GALNT17: variants seen among roughly 807,000 people sequenced by gnomAD.
GALNT17 encodes UDP-GalNAc:polypeptide N-acetylgalactosaminyltransferase-like 3.
A neutral mutation model predicts 63.7 loss-of-function variants in GALNT17; 29 were observed. The observed-to-expected ratio is 0.46, with a 90% CI of 0.34 to 0.62. The LOEUF is 0.62. GALNT17 is among the 20% of genes least tolerant of loss of function. The pLI is 0.01. For synonymous variants in GALNT17, 305 were observed against 318.3 expected, an observed-to-expected ratio of 0.96 and a Z score of 0.45; for missense variants, 603 against 799.6, an observed-to-expected ratio of 0.75 and a Z score of 2.97.
intron 6 of GALNT17, 88 bp downstream of exon 6, chr7:71,571,490 T>C (rs1789442289): frequency 1.0e-6 from 1 of 989,600 alleles, no homozygotes; most frequent in Non-Finnish European, 1.6e-6. Flanking sequence ...TTAAAGCTCC[T>C]TACAGCTGAT....
intron 2 of GALNT17, among the ~76,000 whole-genome samples, chr7:71,372,596 C>T (rs1286735750): frequency 1.3e-5 from 2 of 152,208 alleles, no homozygotes; most frequent in Admixed American, 1.3e-4. Flanking sequence ...GGACTACAGG[C>T]ATGTGCCACC....
intron 1 of GALNT17, among the ~76,000 whole-genome samples, chr7:71,329,598 AT>A (rs1791767014): frequency 6.6e-6 from 1 of 152,036 alleles, no homozygotes; most frequent in Admixed American, 6.6e-5. Flanking sequence ...GAAACTTAGA[AT>A]CATGGCAGAA....
intron 1 of GALNT17, among the ~76,000 whole-genome samples, chr7:71,272,364 T>C (rs1273846456): frequency 2.0e-5 from 3 of 152,194 alleles, no homozygotes; most frequent in East Asian, 1.9e-4. Flanking sequence ...CCAGGTATCA[T>C]GTGGTGAGCG....
chr7:71,170,407 C>G (rs1788525958), intron 1 of GALNT17, among the ~76,000 whole-genome samples: 1 of 152,088 alleles, frequency 6.6e-6, no homozygotes, highest in Non-Finnish European at 1.5e-5. Context: ...GCCATCTCGG[C>G]TCACCGCAAC....
rs1787707702 is a variant in GALNT17 at position 71,132,821 on chromosome 7, G to C, written c.19G>C (p.Val7Leu). The C allele has an allele frequency of 1.9e-6, 3 of 1,609,138 alleles. No homozygotes were observed. Among genetic ancestry groups the C allele is most frequent in the Non-Finnish European group, 2.5e-6 (3 of 1,177,632 alleles). MASLRR[V>L]KVLLVLNLIA... The stretch of plus-strand genomic sequence containing the variant: ...CTGTTTGATGGCTTCACTGAGAAGA[G>C]TCAAAGTGCTGTTGGTGTTGAACTT... Residue 7 changes from valine to leucine, a missense_variant, in exon 1 of 11, where the codon GTC (valine) becomes CTC (leucine). Coordinates refer to ENST00000333538, the MANE Select transcript of GALNT17 (RefSeq NM_022479.3).
chr7:71,369,849 A>G (rs1259562980), intron 2 of GALNT17, among the ~76,000 whole-genome samples: 3 of 148,416 alleles, frequency 2.0e-5, no homozygotes, highest in African/African-American at 5.0e-5. Context: ...AACAAAAACT[A>G]TGTATTATTG....
At chr7:71,283,478 G>T (rs1055013394) in intron 1 of GALNT17, among the ~76,000 whole-genome samples, 1 of 152,060 alleles carries the variant, frequency 6.6e-6, no homozygotes, top group African/African-American at 2.4e-5. Flanking sequence ...TAAAAAAATA[G>T]TAGACTCTCC....
At position 71,712,684 on chromosome 7, in the gene GALNT17, A is replaced by C. The variant is rs1278271619; in HGVS notation, c.*538A>C. Reference sequence around the variant, plus strand: ...TGCCTGTTCACGCCCCAAGGCAGCTACTGCCCCTAACCCTTCCCACCAGGG... The same window carrying C: ...TGCCTGTTCACGCCCCAAGGCAGCTCCTGCCCCTAACCCTTCCCACCAGGG... On this transcript the variant is annotated 3_prime_UTR_variant, in exon 11 of 11. Transcript: ENST00000333538. 1 of 154,060 alleles carries C rather than the reference A, an allele frequency of 6.5e-6. No individual in the cohort carries two copies. Among genetic ancestry groups the C allele is most frequent in the African/African-American group, 2.4e-5 (1 of 41,470 alleles). 9.5% of individuals were successfully genotyped at this position (154,060 alleles called of 1,614,324 possible). A position where few individuals can be genotyped will look rare whatever the true frequency, so the allele number is the denominator to read the frequency against.
chr7:71,660,562 G>C (rs1191464676), intron 6 of GALNT17, among the ~76,000 whole-genome samples: 1 of 152,210 alleles, frequency 6.6e-6, no homozygotes, highest in Admixed American at 6.5e-5. Context: ...CTTGGGACCA[G>C]CTGTACTTGG....
intron 1 of GALNT17, among the ~76,000 whole-genome samples, chr7:71,255,364 A>G (rs539458477): frequency 6.6e-6 from 1 of 152,314 alleles, no homozygotes; most frequent in South Asian, 2.1e-4. Flanking sequence ...ACCATGTGTG[A>G]GATGTACCTT....
At chr7:71,301,291 C>CT (rs1421741737) in intron 1 of GALNT17, among the ~76,000 whole-genome samples, 4 of 148,066 alleles carry the variant, frequency 2.7e-5, no homozygotes, top group African/African-American at 7.4e-5. Flanking sequence ...TGCCTGATTA[C>CT]TTTTTTTTTA....
intron 4 of GALNT17, among the ~76,000 whole-genome samples, chr7:71,417,297 A>C (rs1044738330): frequency 2.0e-5 from 3 of 152,194 alleles, no homozygotes; most frequent in Non-Finnish European, 4.4e-5. Context: ...ATGTTTATGC[A>C]TGTGACCACG....
chr7:71,712,367 A>C lies in GALNT17; in HGVS notation c.*221A>C, dbSNP rs1584155089. On this transcript the variant is annotated 3_prime_UTR_variant, in exon 11 of 11. Coordinates refer to ENST00000333538, the MANE Select transcript of GALNT17 (RefSeq NM_022479.3). ...TTCCTGCACCCTGGAAAAGCCCCCC[A>C]CCCTTCCTCTGGGAAACTGACAGCT... 4.6e-6 allele frequency: 2 copies of C among 435,568 alleles called. No homozygotes were observed. The highest frequency in any genetic ancestry group is 2.0e-5 in the African/African-American group (1 of 48,944). The allele number at this position is 435,568 out of a possible 1,614,324, so 27.0% of individuals were successfully genotyped here. A position where few individuals can be genotyped will look rare whatever the true frequency, so the allele number is the denominator to read the frequency against.
At chr7:71,637,460 A>T (rs992079642) in intron 6 of GALNT17, among the ~76,000 whole-genome samples, 3 of 149,872 alleles carry the variant, frequency 2.0e-5, no homozygotes, top group Non-Finnish European at 4.4e-5. Context: ...AAGTGCTGGG[A>T]TTACAGGCGT....
chr7:71,424,674 T>C (rs1786726307), intron 5 of GALNT17, among the ~76,000 whole-genome samples: 1 of 152,198 alleles, frequency 6.6e-6, no homozygotes, highest in Non-Finnish European at 1.5e-5. Context: ...AATTTGTTAA[T>C]AGTTGATGGG....
chr7:71,620,079 G>A (rs1201671823), intron 6 of GALNT17, among the ~76,000 whole-genome samples: 1 of 152,166 alleles, frequency 6.6e-6, no homozygotes, highest in East Asian at 1.9e-4. Flanking sequence ...CTGTTCTGTT[G>A]GTGAATCACA....
intron 1 of GALNT17, among the ~76,000 whole-genome samples, chr7:71,183,216 T>G (rs769915288): frequency 6.6e-6 from 1 of 152,164 alleles, no homozygotes; most frequent in Non-Finnish European, 1.5e-5. Context: ...ATTCACTGTC[T>G]AGCTGGGCAT....
At chr7:71,572,799 G>A (rs1362259814) in intron 6 of GALNT17, among the ~76,000 whole-genome samples, 2 of 152,046 alleles carry the variant, frequency 1.3e-5, no homozygotes, top group Admixed American at 6.6e-5. Context: ...AAGTCTGAGT[G>A]TGAGGCTCTG....
At chr7:71,291,842 T>G (rs774874214) in intron 1 of GALNT17, among the ~76,000 whole-genome samples, 10 of 152,220 alleles carry the variant, frequency 6.6e-5, no homozygotes, top group Non-Finnish European at 1.3e-4. Context: ...TGTTTTAAAT[T>G]TCTTGCATTT....
Sources: gnomAD v4.1 joint callset for allele counts (sites outside exome capture counted in the v4.1 genomes callset) on GRCh38, gnomAD v4.1.1 for gene constraint, MANE v1.5 for transcripts, NCBI Gene and HGNC (gene_info 2026-07-23, HGNC 2026-07-21) for gene names.